GRID2: variants seen among roughly 807,000 people sequenced by gnomAD.
GRID2 encodes glutamate receptor ionotropic, delta-2.
In GRID2, 33 loss-of-function variants were observed where a neutral mutation model predicts 114.8. The ratio of observed to expected loss-of-function variants is 0.29; its 90% CI spans 0.22 to 0.38. The LOEUF is 0.38. Ranked by LOEUF, GRID2 falls within the 10% of genes least tolerant of loss-of-function variation. The probability of loss-of-function intolerance (pLI) is 1.00; values close to 1 mark genes in which losing one functional copy is unlikely to be tolerated. For synonymous variants in GRID2, 505 were observed against 449.9 expected, an observed-to-expected ratio of 1.12 and a Z score of -1.55; for missense variants, 1,184 against 1,257.7, an observed-to-expected ratio of 0.94 and a Z score of 0.89.
intron 4 of GRID2, among the ~76,000 whole-genome samples, chr4:93,156,399 G>A (rs1397678998): frequency 6.6e-6 from 1 of 151,592 alleles, no homozygotes; most frequent in Non-Finnish European, 1.5e-5. Context: ...GCATAGTGTT[G>A]GAATAGATTG....
chr4:93,690,910 C>A (rs1162033052), intron 14 of GRID2, among the ~76,000 whole-genome samples: 2 of 147,758 alleles, frequency 1.4e-5, no homozygotes, highest in Non-Finnish European at 3.0e-5. Context: ...TGTTATGTAG[C>A]TTTATATATA....
chr4:93,341,737 A>C (rs1027294172), intron 8 of GRID2, among the ~76,000 whole-genome samples: 1 of 152,130 alleles, frequency 6.6e-6, no homozygotes, highest in African/African-American at 2.4e-5. Flanking sequence ...AAAGTCCTGG[A>C]TTTGCCTAGG....
chr4:93,413,846 A>G (rs1458904938), intron 9 of GRID2, among the ~76,000 whole-genome samples: 1 of 152,204 alleles, frequency 6.6e-6, no homozygotes, highest in Non-Finnish European at 1.5e-5. Flanking sequence ...TTAAATTTGA[A>G]TGTGTGTTAA....
intron 2 of GRID2, among the ~76,000 whole-genome samples, chr4:93,013,746 A>G (rs1313401976): frequency 6.6e-6 from 1 of 151,982 alleles, no homozygotes; most frequent in Admixed American, 6.6e-5. Flanking sequence ...TTACTTCTTA[A>G]TCATTCTTAA....
intron 13 of GRID2, among the ~76,000 whole-genome samples, chr4:93,532,447 A>C (rs1304698666): frequency 6.6e-6 from 1 of 152,160 alleles, no homozygotes; most frequent in Non-Finnish European, 1.5e-5. Flanking sequence ...GCAGTATGTA[A>C]ATGTGATGGA....
chr4:93,411,997 A>G (rs1338654494), intron 9 of GRID2, among the ~76,000 whole-genome samples: 1 of 151,932 alleles, frequency 6.6e-6, no homozygotes, highest in African/African-American at 2.4e-5. Flanking sequence ...TCAAAATGCT[A>G]TTCTTGGTTT....
intron 4 of GRID2, among the ~76,000 whole-genome samples, chr4:93,152,928 A>G (rs1276136835): frequency 6.6e-6 from 1 of 152,130 alleles, no homozygotes; most frequent in Admixed American, 6.6e-5. Context: ...CTGGTTGTCC[A>G]TGTTTATCAG....
intron 8 of GRID2, among the ~76,000 whole-genome samples, chr4:93,271,530 C>T (rs1751458542): frequency 6.6e-6 from 1 of 152,094 alleles, no homozygotes; most frequent in South Asian, 2.1e-4. Context: ...TTCCCACCTG[C>T]AAAAGGCCCA....
intron 8 of GRID2, chr4:93,282,377 T>C (rs777976435): frequency 1.6e-4 from 72 of 449,426 alleles, no homozygotes; most frequent in Admixed American, 1.5e-3. Flanking sequence ...TTTATTGTAG[T>C]TCTAGAGACT....
chr4:92,342,054 G>A (rs887097366), intron 1 of GRID2, among the ~76,000 whole-genome samples: 8 of 151,724 alleles, frequency 5.3e-5, no homozygotes, highest in Admixed American at 6.6e-5. Context: ...ATTTATTATT[G>A]TACTACTGCG....
intron 2 of GRID2, among the ~76,000 whole-genome samples, chr4:93,039,102 A>C (rs1164536709): frequency 1.3e-5 from 2 of 152,192 alleles, no homozygotes; most frequent in African/African-American, 4.8e-5. Context: ...GATAAAGAAA[A>C]TGTGGCACAT....
At chr4:92,473,964 TTG>T (rs59328379) in intron 1 of GRID2, among the ~76,000 whole-genome samples, 22,773 of 144,206 alleles carry the variant, frequency 0.16, 2,064 homozygotes, top group African/African-American at 0.25. Context: ...GTTATCTTGG[TTG>T]TGTGTGTGTG....
intron 14 of GRID2, among the ~76,000 whole-genome samples, chr4:93,650,802 A>T (rs1285390173): frequency 6.6e-6 from 1 of 152,024 alleles, no homozygotes; most frequent in Non-Finnish European, 1.5e-5. Flanking sequence ...CTTTAAAAAA[A>T]TTCTTCAAGC....
chr4:93,333,809 T>G (rs1758744438), intron 8 of GRID2, among the ~76,000 whole-genome samples: 1 of 152,220 alleles, frequency 6.6e-6, no homozygotes, highest in African/African-American at 2.4e-5. Context: ...TCTGAAAGTT[T>G]ACTTATGAGT....
intron 1 of GRID2, among the ~76,000 whole-genome samples, chr4:92,553,066 G>A (rs1055691145): frequency 6.6e-6 from 1 of 152,154 alleles, no homozygotes; most frequent in African/African-American, 2.4e-5. Context: ...CCTATAGGAT[G>A]AGTCATTCTT....
intron 8 of GRID2, among the ~76,000 whole-genome samples, chr4:93,240,894 A>G (rs1288638958): frequency 6.6e-6 from 1 of 151,604 alleles, no homozygotes; most frequent in Non-Finnish European, 1.5e-5. Context: ...ACCACTAACC[A>G]GGTCAAGTTA....
intron 10 of GRID2, among the ~76,000 whole-genome samples, chr4:93,455,364 A>G (rs985252997): frequency 6.6e-6 from 1 of 152,128 alleles, no homozygotes; most frequent in African/African-American, 2.4e-5. Context: ...ATGACCCACG[A>G]AAAAAGACAA....
intron 1 of GRID2, among the ~76,000 whole-genome samples, chr4:92,483,356 A>C (rs562713953): frequency 4.6e-5 from 7 of 152,164 alleles, no homozygotes; most frequent in Admixed American, 2.0e-4. Flanking sequence ...AATAATACTA[A>C]TAATAATAAC....
intron 8 of GRID2, among the ~76,000 whole-genome samples, chr4:93,250,890 T>C (rs1748833456): frequency 6.6e-6 from 1 of 151,674 alleles, no homozygotes; most frequent in African/African-American, 2.4e-5. Context: ...TATTAAAACA[T>C]GGTTGTGAGT....
Sources: allele counts gnomAD v4.1 joint callset (sites outside exome capture counted in the v4.1 genomes callset), GRCh38; gene constraint gnomAD v4.1.1; transcripts MANE v1.5; gene names NCBI Gene and HGNC (gene_info 2026-07-23, HGNC 2026-07-21).